Variants in SDC2 observed in about 807,000 individuals in gnomAD.
The protein encoded by SDC2 is syndecan-2.
In SDC2, 13 loss-of-function variants were observed where a neutral mutation model predicts 22.2. The ratio of observed to expected loss-of-function variants is 0.59; its 90% CI spans 0.38 to 0.93. The LOEUF (loss-of-function observed/expected upper bound fraction) is 0.93. SDC2 is among the 40% of genes least tolerant of loss of function. The pLI is 0.00. For synonymous variants in SDC2, 94 were observed against 92.8 expected (o/e 1.01, Z -0.07); for missense variants, 235 against 246.8 (o/e 0.95, Z 0.32).
In SDC2 at chr8:96,609,681, T is replaced by A; in HGVS notation, c.*133T>A. 1.8e-6 allele frequency: 1 copy of A among 565,540 alleles called. No individual in the cohort carries two copies. The highest frequency in any genetic ancestry group is 4.3e-5 in the South Asian group (1 of 23,438). 35.0% of individuals were successfully genotyped at this position (565,540 alleles called of 1,614,324 possible). On this transcript the variant is annotated 3_prime_UTR_variant, in exon 5 of 5. Transcript: ENST00000302190. The stretch of plus-strand genomic sequence containing the variant: ...CTGGCACTTTAATGATAAAATCCCA[T>A]TGTATTTAAAACATTTCATGTATTT...
At chr8:96,586,533 G>A (rs1814690644) in intron 1 of SDC2, 1 of 152,152 alleles carries the variant, frequency 6.6e-6, no homozygotes, top group African/African-American at 2.4e-5. Flanking sequence ...CAACATCAGT[G>A]GCACCTTCCA....
chr8:96,546,196 T>C (rs1452961799), intron 1 of SDC2, among the ~76,000 whole-genome samples: 1 of 152,192 alleles, frequency 6.6e-6, no homozygotes, highest in Non-Finnish European at 1.5e-5. Context: ...TAGCCTTAAA[T>C]CAGAGACTGG....
intron 1 of SDC2, 66 bp downstream of exon 1, chr8:96,494,397 A>C: frequency 6.7e-7 from 1 of 1,483,502 alleles, no homozygotes; most frequent in Middle Eastern, 2.0e-4. Context: ...AGGAGCCCGC[A>C]GGGAATAGGG....
At chr8:96,554,658 CA>C (rs1814080498) in intron 1 of SDC2, among the ~76,000 whole-genome samples, 1 of 152,176 alleles carries the variant, frequency 6.6e-6, no homozygotes, top group East Asian at 1.9e-4. Flanking sequence ...GTTGGGCACC[CA>C]GGGGTGGTTG....
intron 1 of SDC2, among the ~76,000 whole-genome samples, chr8:96,573,989 C>T (rs1248963505): frequency 6.6e-6 from 1 of 151,882 alleles, no homozygotes; most frequent in East Asian, 1.9e-4. Flanking sequence ...GCCCGCATTC[C>T]GTGTGCCTCA....
chr8:96,534,846 C>T (rs948475799), intron 1 of SDC2, among the ~76,000 whole-genome samples: 2 of 152,126 alleles, frequency 1.3e-5, no homozygotes, highest in African/African-American at 4.8e-5. Flanking sequence ...AGTTTTGTTG[C>T]TCATATCTTT....
intron 1 of SDC2, among the ~76,000 whole-genome samples, chr8:96,563,092 C>T (rs1018177500): frequency 1.3e-5 from 2 of 152,148 alleles, no homozygotes; most frequent in Admixed American, 6.5e-5. Context: ...ACACGCTGTC[C>T]GTATCTCAGA....
intron 3 of SDC2, among the ~76,000 whole-genome samples, chr8:96,605,396 A>T (rs1815060506): frequency 6.6e-6 from 1 of 152,194 alleles, no homozygotes; most frequent in Non-Finnish European, 1.5e-5. Context: ...GAACCCAGAT[A>T]ATCCATTCTC....
chr8:96,563,112 G>A (rs974755756), intron 1 of SDC2, among the ~76,000 whole-genome samples: 4 of 152,116 alleles, frequency 2.6e-5, no homozygotes, highest in African/African-American at 9.7e-5. Flanking sequence ...ACACCTCAGC[G>A]AGGTGACTGT....
intron 1 of SDC2, among the ~76,000 whole-genome samples, chr8:96,551,632 C>A (rs1030926435): frequency 6.6e-6 from 1 of 152,166 alleles, no homozygotes; most frequent in Non-Finnish European, 1.5e-5. Flanking sequence ...TCACCAAATG[C>A]AAGCTAGTTT....
chr8:96,601,308 C>A (rs1392227636), intron 2 of SDC2, among the ~76,000 whole-genome samples: 2 of 152,020 alleles, frequency 1.3e-5, no homozygotes, highest in Non-Finnish European at 2.9e-5. Flanking sequence ...GAGGACAAGA[C>A]CTAGTGAGTA....
intron 1 of SDC2, chr8:96,538,594 T>C (rs991644295): frequency 1.3e-5 from 2 of 152,194 alleles, no homozygotes; most frequent in Admixed American, 6.5e-5. Context: ...CTATTGCATA[T>C]GAAAAGTGTA....
intron 1 of SDC2, among the ~76,000 whole-genome samples, chr8:96,518,654 G>T (rs1813447828): frequency 6.6e-6 from 1 of 152,116 alleles, no homozygotes; most frequent in African/African-American, 2.4e-5. Context: ...ACCGTGCCTG[G>T]CCTACCTTGA....
At chr8:96,595,916 C>T (rs1814866771) in intron 2 of SDC2, among the ~76,000 whole-genome samples, 1 of 152,206 alleles carries the variant, frequency 6.6e-6, no homozygotes, top group African/African-American at 2.4e-5. Flanking sequence ...TAGCCTTAGG[C>T]AGATCACTGC....
At chr8:96,580,954 G>A (rs1814579290) in intron 1 of SDC2, among the ~76,000 whole-genome samples, 3 of 152,136 alleles carry the variant, frequency 2.0e-5, no homozygotes, top group South Asian at 4.1e-4. Context: ...CTGTAGTATG[G>A]CTTGCCTCAG....
chr8:96,567,745 AT>A (rs1414346472), intron 1 of SDC2, among the ~76,000 whole-genome samples: 2 of 152,110 alleles, frequency 1.3e-5, no homozygotes, highest in Non-Finnish European at 2.9e-5. Flanking sequence ...TGTCATAGAT[AT>A]TTTTTTGCTA....
intron 1 of SDC2, among the ~76,000 whole-genome samples, chr8:96,540,340 G>GTGTATA (rs4058341): frequency 1.3e-4 from 16 of 123,682 alleles, no homozygotes; most frequent in East Asian, 9.4e-4. Flanking sequence ...ATATATATGT[G>GTGTATA]TATATATATA....
At chr8:96,549,812 A>C (rs932322570) in intron 1 of SDC2, among the ~76,000 whole-genome samples, 6 of 152,236 alleles carry the variant, frequency 3.9e-5, no homozygotes, top group African/African-American at 1.4e-4. Context: ...TTTTAAACAA[A>C]AATTATTTCC....
chr8:96,495,542 T>G (rs1813059938), intron 1 of SDC2, among the ~76,000 whole-genome samples: 1 of 152,216 alleles, frequency 6.6e-6, no homozygotes, highest in African/African-American at 2.4e-5. Context: ...TTCTGGCCCT[T>G]CTGGTTCCCC....
Sources: allele counts gnomAD v4.1 joint callset (sites outside exome capture counted in the v4.1 genomes callset), GRCh38; gene constraint gnomAD v4.1.1; transcripts MANE v1.5; gene names NCBI Gene and HGNC (gene_info 2026-07-23, HGNC 2026-07-21).